NTM: variants seen among roughly 807,000 people sequenced by gnomAD.
The protein encoded by NTM is IgLON family member 2.
A neutral mutation model predicts 42.1 loss-of-function variants in NTM; 13 were observed. The observed-to-expected ratio is 0.31, with a 90% CI of 0.20 to 0.49. The LOEUF is 0.49. Ranked by LOEUF, NTM falls within the 20% of genes least tolerant of loss-of-function variation. The pLI is 0.99. For synonymous variants in NTM, 187 were observed against 179.2 expected (o/e 1.04, Z -0.35); for missense variants, 373 against 452.8 (o/e 0.82, Z 1.60).
intron 1 of NTM, among the ~76,000 whole-genome samples, chr11:131,400,096 A>T (rs1200444957): frequency 7.3e-6 from 1 of 137,406 alleles, no homozygotes; most frequent in East Asian, 2.1e-4. Context: ...AGAGATGGAT[A>T]TCTAGCTACC....
At chr11:131,993,713 G>C (rs182788416) in intron 2 of NTM, among the ~76,000 whole-genome samples, 1 of 152,168 alleles carries the variant, frequency 6.6e-6, no homozygotes, top group African/African-American at 2.4e-5. Flanking sequence ...AACCATAAAG[G>C]AGAGACAGGC....
chr11:132,117,908 C>G (rs1310730948), intron 2 of NTM, among the ~76,000 whole-genome samples: 3 of 152,186 alleles, frequency 2.0e-5, no homozygotes, highest in Non-Finnish European at 4.4e-5. Flanking sequence ...GGTATCTGTC[C>G]AGTTCCTTGT....
intron 1 of NTM, among the ~76,000 whole-genome samples, chr11:131,636,831 C>T (rs1012109086): frequency 6.6e-6 from 1 of 152,170 alleles, no homozygotes; most frequent in Non-Finnish European, 1.5e-5. Flanking sequence ...ATTGAGATGG[C>T]GAACACCATG....
chr11:132,077,635 A>G (rs2058536170), intron 2 of NTM, among the ~76,000 whole-genome samples: 1 of 152,246 alleles, frequency 6.6e-6, no homozygotes, highest in South Asian at 2.1e-4. Context: ...GGCAGAGGCA[A>G]AATTCAAGCC....
At chr11:131,781,517 T>G (rs1185650168) in intron 1 of NTM, among the ~76,000 whole-genome samples, 1 of 152,176 alleles carries the variant, frequency 6.6e-6, no homozygotes, top group Non-Finnish European at 1.5e-5. Flanking sequence ...TAATTTATTA[T>G]TGTTAAATGT....
At chr11:131,752,366 G>A (rs1021561760) in intron 1 of NTM, among the ~76,000 whole-genome samples, 4 of 152,108 alleles carry the variant, frequency 2.6e-5, no homozygotes, top group Admixed American at 6.6e-5. Context: ...TTAGAATGAC[G>A]ATCATTAAAA....
intron 4 of NTM, among the ~76,000 whole-genome samples, chr11:132,280,422 C>T (rs1233664782): frequency 1.3e-5 from 2 of 151,158 alleles, no homozygotes; most frequent in East Asian, 1.9e-4. Context: ...CAGCACCCTC[C>T]GAGTCTACTG....
chr11:131,648,464 A>G (rs1404861193), intron 1 of NTM, among the ~76,000 whole-genome samples: 1 of 152,202 alleles, frequency 6.6e-6, no homozygotes, highest in Non-Finnish European at 1.5e-5. Flanking sequence ...CACTCCCACC[A>G]ATAGTGTATA....
intron 1 of NTM, among the ~76,000 whole-genome samples, chr11:131,487,304 A>G (rs561038569): frequency 1.3e-5 from 2 of 152,356 alleles, no homozygotes; most frequent in African/African-American, 4.8e-5. Flanking sequence ...GTATACAAAC[A>G]TAGTACTGAA....
At chr11:131,523,100 G>A (rs1325334896) in intron 1 of NTM, among the ~76,000 whole-genome samples, 1 of 152,190 alleles carries the variant, frequency 6.6e-6, no homozygotes, top group Admixed American at 6.5e-5. Flanking sequence ...GGTTGTACCA[G>A]CCGACTTAGT....
intron 2 of NTM, among the ~76,000 whole-genome samples, chr11:131,939,558 G>A (rs2059580777): frequency 6.6e-6 from 1 of 152,046 alleles, no homozygotes; most frequent in African/African-American, 2.4e-5. Flanking sequence ...TGTGCAGATG[G>A]AGGGAGTATG....
At chr11:132,249,601 T>G (rs1203329299) in intron 4 of NTM, among the ~76,000 whole-genome samples, 1 of 152,228 alleles carries the variant, frequency 6.6e-6, no homozygotes, top group Non-Finnish European at 1.5e-5. Flanking sequence ...CAGTCCCTCC[T>G]TCTCCTTAGA....
chr11:131,674,790 G>A (rs182380107), intron 1 of NTM, among the ~76,000 whole-genome samples: 36 of 152,254 alleles, frequency 2.4e-4, no homozygotes, highest in Admixed American at 4.6e-4. Flanking sequence ...AACCTTCCCC[G>A]CGGGATATAG....
At chr11:131,781,930 T>C (rs945679897) in intron 1 of NTM, among the ~76,000 whole-genome samples, 1 of 152,190 alleles carries the variant, frequency 6.6e-6, no homozygotes, top group Non-Finnish European at 1.5e-5. Flanking sequence ...TCTTCTAGAC[T>C]TTATTGGTGA....
chr11:131,905,060 T>C, intron 1 of NTM, among the ~76,000 whole-genome samples: 1 of 152,164 alleles, frequency 6.6e-6, no homozygotes. Flanking sequence ...GCACAGCCAA[T>C]GGCAGCTCCT....
At chr11:131,658,500 G>A (rs779572246) in intron 1 of NTM, among the ~76,000 whole-genome samples, 9 of 152,132 alleles carry the variant, frequency 5.9e-5, no homozygotes, top group Non-Finnish European at 1.2e-4. Context: ...GCTGATGCCC[G>A]TTTGTCCTCG....
chr11:131,946,875 C>T (rs1379074686), intron 2 of NTM, among the ~76,000 whole-genome samples: 5 of 152,198 alleles, frequency 3.3e-5, no homozygotes, highest in African/African-American at 1.2e-4. Flanking sequence ...TTCTTCTTCT[C>T]TGTCAAACAG....
At chr11:131,984,124 C>T (rs999844145) in intron 2 of NTM, among the ~76,000 whole-genome samples, 4 of 152,164 alleles carry the variant, frequency 2.6e-5, no homozygotes, top group Non-Finnish European at 5.9e-5. Context: ...TCCATTTGTA[C>T]CCTTCTTCAC....
chr11:132,287,442 G>A (rs916721704), intron 4 of NTM, among the ~76,000 whole-genome samples: 1 of 152,160 alleles, frequency 6.6e-6, no homozygotes, highest in African/African-American at 2.4e-5. Flanking sequence ...GTCAGGCTGG[G>A]TGTGCATGTG....
Sources: allele counts gnomAD v4.1 joint callset (sites outside exome capture counted in the v4.1 genomes callset), GRCh38; gene constraint gnomAD v4.1.1; transcripts MANE v1.5; gene names NCBI Gene and HGNC (gene_info 2026-07-23, HGNC 2026-07-21).